Variants in MAGI2 observed in about 807,000 individuals in gnomAD.
MAGI2 encodes membrane associated guanylate kinase, WW and PDZ domain containing 2, also known as membrane-associated guanylate kinase, WW and PDZ domain-containing protein 2.
In MAGI2, 35 loss-of-function variants were observed where a neutral mutation model predicts 133.3. The observed-to-expected ratio is 0.26, with a 90% CI of 0.20 to 0.35. MAGI2 has a LOEUF of 0.35. Among genes scored for constraint, MAGI2 ranks in the 10% least tolerant of loss-of-function variants. The pLI, the probability that MAGI2 is intolerant of heterozygous loss-of-function variation, is 1.00. For synonymous variants in MAGI2, 729 were observed against 710.6 expected (o/e 1.03, Z -0.41); for missense variants, 1,636 against 1,863.4 (o/e 0.88, Z 2.25).
chr7:79,425,710 T>C (rs903920042), intron 1 of MAGI2, among the ~76,000 whole-genome samples: 2 of 151,824 alleles, frequency 1.3e-5, no homozygotes, highest in African/African-American at 4.8e-5. Context: ...TAATATTTAT[T>C]ATAGTCTTGT....
chr7:79,029,431 A>AC (rs966379015), intron 1 of MAGI2, among the ~76,000 whole-genome samples: 23 of 151,728 alleles, frequency 1.5e-4, no homozygotes, highest in African/African-American at 3.6e-4. Context: ...TTAAAATAAG[A>AC]CCCCCCCAAA....
intron 2 of MAGI2, among the ~76,000 whole-genome samples, chr7:78,863,198 T>C (rs1794287033): frequency 6.6e-6 from 1 of 152,220 alleles, no homozygotes; most frequent in African/African-American, 2.4e-5. Flanking sequence ...TGAGAGGCAA[T>C]GGAGGGAAGG....
At chr7:78,470,799 A>G (rs1240746346) in intron 6 of MAGI2, among the ~76,000 whole-genome samples, 2 of 152,180 alleles carry the variant, frequency 1.3e-5, no homozygotes, top group African/African-American at 2.4e-5. Context: ...GCTGAGCACA[A>G]TGGGTCTGTT....
chr7:78,698,064 C>A (rs954421034), intron 2 of MAGI2, among the ~76,000 whole-genome samples: 2 of 152,068 alleles, frequency 1.3e-5, no homozygotes, highest in Non-Finnish European at 2.9e-5. Flanking sequence ...ACCAAAGTGC[C>A]TTAAGTTTAC....
chr7:78,126,048 T>A (rs970963041), intron 19 of MAGI2, among the ~76,000 whole-genome samples: 2 of 152,204 alleles, frequency 1.3e-5, no homozygotes, highest in Admixed American at 6.5e-5. Flanking sequence ...TACTTGGTCA[T>A]CAAAGAATTA....
chr7:78,612,900 G>C (rs1806628457), intron 3 of MAGI2, among the ~76,000 whole-genome samples: 1 of 152,090 alleles, frequency 6.6e-6, no homozygotes, highest in African/African-American at 2.4e-5. Context: ...TCGATCTCCT[G>C]ACCTCGTGAT....
chr7:79,011,513 C>G (rs1488593200), intron 1 of MAGI2, among the ~76,000 whole-genome samples: 3 of 152,132 alleles, frequency 2.0e-5, no homozygotes, highest in Non-Finnish European at 4.4e-5. Flanking sequence ...ACATGACCAT[C>G]AGCTCAACCT....
At chr7:78,535,256 T>C (rs930703882) in intron 3 of MAGI2, among the ~76,000 whole-genome samples, 2 of 152,228 alleles carry the variant, frequency 1.3e-5, no homozygotes, top group South Asian at 2.1e-4. Flanking sequence ...GAAATAATAG[T>C]AACTTGGAAG....
intron 9 of MAGI2, among the ~76,000 whole-genome samples, chr7:78,258,290 C>T (rs1343282543): frequency 6.6e-6 from 1 of 152,130 alleles, no homozygotes. Context: ...CTTTGGGAAT[C>T]GTTTTTAATT....
intron 2 of MAGI2, among the ~76,000 whole-genome samples, chr7:78,627,955 C>A (rs1199364014): frequency 2.0e-5 from 3 of 152,178 alleles, no homozygotes; most frequent in Non-Finnish European, 1.5e-5. Context: ...CTAATTCTGA[C>A]TGAAGTGACT....
chr7:78,199,000 C>T (rs1466475219), intron 11 of MAGI2, among the ~76,000 whole-genome samples: 5 of 152,182 alleles, frequency 3.3e-5, no homozygotes, highest in Non-Finnish European at 5.9e-5. Context: ...CAGGAGGTAA[C>T]ACAGGACTAG....
chr7:78,176,908 GACACAC>G lies in MAGI2; in HGVS notation c.2403+1097_2403+1102del, dbSNP rs200781303. Among the ~76,000 whole-genome samples, 146 of 130,482 alleles carry G rather than the reference GACACAC, an allele frequency of 1.1e-3. No homozygotes were observed. The East Asian group carries it at 0.013, about 11-fold the overall frequency. 85.6% of individuals were successfully genotyped at this position (130,482 alleles called of 152,430 possible). ...ATAGTATATTTAAAAACCATATATA[GACACAC>G]ACACACACACACACACACACACACA... On this transcript the variant is annotated intron_variant, in intron 14 of 21. Transcript: ENST00000354212.
intron 10 of MAGI2, among the ~76,000 whole-genome samples, chr7:78,236,026 T>A (rs919376041): frequency 7.4e-6 from 1 of 135,316 alleles, no homozygotes; most frequent in South Asian, 2.3e-4. Flanking sequence ...TAAGACTGTA[T>A]GTTTTTTTTT....
At chr7:79,361,402 A>T (rs2129123042) in intron 1 of MAGI2, among the ~76,000 whole-genome samples, 1 of 152,166 alleles carries the variant, frequency 6.6e-6, no homozygotes, top group Non-Finnish European at 1.5e-5. Context: ...TGGGTAGAGG[A>T]GGGCCCCCTA....
At chr7:78,231,488 C>T (rs1241408918) in intron 10 of MAGI2, among the ~76,000 whole-genome samples, 2 of 152,206 alleles carry the variant, frequency 1.3e-5, no homozygotes, top group East Asian at 3.9e-4. Context: ...TCCATTCATG[C>T]TTTCTTGAAA....
At chr7:78,432,285 A>G (rs1799869729) in intron 6 of MAGI2, among the ~76,000 whole-genome samples, 1 of 151,882 alleles carries the variant, frequency 6.6e-6, no homozygotes, top group Non-Finnish European at 1.5e-5. Context: ...ATAGAAGCAT[A>G]ATTTTGAAAT....
intron 6 of MAGI2, among the ~76,000 whole-genome samples, chr7:78,424,952 T>C (rs952140884): frequency 4.6e-5 from 7 of 152,088 alleles, no homozygotes; most frequent in Non-Finnish European, 7.4e-5. Flanking sequence ...TGAGTTAACG[T>C]TGAGATGAGT....
At chr7:79,193,766 T>G (rs1191986186) in intron 1 of MAGI2, among the ~76,000 whole-genome samples, 1 of 151,862 alleles carries the variant, frequency 6.6e-6, no homozygotes, top group Non-Finnish European at 1.5e-5. Flanking sequence ...TACATTTTCA[T>G]TTTGCACTGG....
At chr7:79,114,987 T>C (rs1328085804) in intron 1 of MAGI2, among the ~76,000 whole-genome samples, 1 of 152,188 alleles carries the variant, frequency 6.6e-6, no homozygotes, top group Non-Finnish European at 1.5e-5. Context: ...ATTAACTTGG[T>C]GTATATGACT....
Sources: gnomAD v4.1 joint callset for allele counts (sites outside exome capture counted in the v4.1 genomes callset) on GRCh38, gnomAD v4.1.1 for gene constraint, MANE v1.5 for transcripts, NCBI Gene and HGNC (gene_info 2026-07-23, HGNC 2026-07-21) for gene names.